LRP1B: variants seen among roughly 807,000 people sequenced by gnomAD.
LRP1B encodes the protein low-density lipoprotein receptor-related protein 1B.
In LRP1B, 217 loss-of-function variants were observed where a neutral mutation model predicts 556.6. The ratio of observed to expected loss-of-function variants is 0.39; its 90% CI spans 0.35 to 0.44. LRP1B has a LOEUF of 0.44. Among genes scored for constraint, LRP1B ranks in the 20% least tolerant of loss-of-function variants. The pLI is 1.00. For missense variants in LRP1B, 5,053 were observed against 5,620.8 expected (o/e 0.90, Z 3.23); for synonymous variants, 2,047 against 1,865.8 (o/e 1.10, Z -2.50).
intron 14 of LRP1B, among the ~76,000 whole-genome samples, chr2:141,009,383 T>C (rs7607347): frequency 0.034 from 5,158 of 151,950 alleles, 186 homozygotes; most frequent in African/African-American, 0.091. Flanking sequence ...GAAGAAAGGA[T>C]AAAATGCTTC....
intron 15 of LRP1B, among the ~76,000 whole-genome samples, chr2:140,998,981 T>C (rs1010940974): frequency 3.1e-4 from 47 of 152,090 alleles, no homozygotes; most frequent in African/African-American, 1.0e-3. Flanking sequence ...GAGAGGTTAG[T>C]GGCATACTGA....
intron 14 of LRP1B, among the ~76,000 whole-genome samples, chr2:141,007,563 T>C (rs1320382204): frequency 6.6e-6 from 1 of 151,602 alleles, no homozygotes; most frequent in Non-Finnish European, 1.5e-5. Flanking sequence ...TCCATGGCCA[T>C]GGAATAAAAA....
At chr2:140,809,994 A>G (rs1338700979) in intron 32 of LRP1B, among the ~76,000 whole-genome samples, 1 of 152,174 alleles carries the variant, frequency 6.6e-6, no homozygotes, top group East Asian at 1.9e-4. Flanking sequence ...CAGTACCCAC[A>G]CTCAAAGGAA....
At chr2:141,580,865 G>A (rs16846521) in intron 2 of LRP1B, among the ~76,000 whole-genome samples, 34,697 of 152,128 alleles carry the variant, frequency 0.23, 4,944 homozygotes, top group East Asian at 0.49. Context: ...TATCCAAATG[G>A]GAGAAGGCAG....
intron 7 of LRP1B, among the ~76,000 whole-genome samples, chr2:141,173,388 G>A (rs919120919): frequency 3.3e-5 from 5 of 151,880 alleles, no homozygotes; most frequent in African/African-American, 1.2e-4. Context: ...ACTTGACTAT[G>A]TTCAGATAGC....
rs1160114860 is a variant in LRP1B at position 140,358,830 on chromosome 2, G to T, written c.11248C>A (p.His3750Asn). ...DECGDNSDEDHCGGKLTYKAR... is the reference protein window; with the variant it reads ...DECGDNSDEDNCGGKLTYKAR... The stretch of plus-strand genomic sequence containing the variant: ...CATTAAATGCATTTACCACCACAGT[G>T]ATCTTCATCTGAATTGTCACCGCAT... The change falls in exon 73 of 91, where the codon CAC (histidine) becomes AAC (asparagine). Residue 3750 changes from histidine (H) to asparagine (N), a missense_variant. This residue lies in a region of LRP1B where 599 missense variants were observed against 648.4 expected (regional missense o/e 0.92). Transcript: ENST00000389484. 1.2e-6 allele frequency: 2 copies of T among 1,607,938 alleles called. No individual in the cohort carries two copies. Among genetic ancestry groups the T allele is most frequent in the South Asian group, 1.1e-5 (1 of 90,844 alleles).
intron 2 of LRP1B, among the ~76,000 whole-genome samples, chr2:141,603,255 C>A (rs10198366): frequency 1.3e-5 from 2 of 152,082 alleles, no homozygotes; most frequent in South Asian, 2.1e-4. Flanking sequence ...CCTATAGGTG[C>A]CAATCATTTC....
intron 80 of LRP1B, 60 bp from the exon 81 acceptor site, chr2:140,324,126 T>C: frequency 1.9e-6 from 2 of 1,046,898 alleles, no homozygotes; most frequent in Non-Finnish European, 2.9e-6. Flanking sequence ...CTTTAAAAAC[T>C]ATGTTTATCC....
At chr2:140,610,467 G>T (rs1385553420) in intron 41 of LRP1B, among the ~76,000 whole-genome samples, 3 of 152,170 alleles carry the variant, frequency 2.0e-5, no homozygotes, top group Non-Finnish European at 2.9e-5. Flanking sequence ...TATCAGAGAG[G>T]TATATAGAAG....
At chr2:141,758,572 G>A (rs767940915) in intron 2 of LRP1B, among the ~76,000 whole-genome samples, 1 of 151,964 alleles carries the variant, frequency 6.6e-6, no homozygotes, top group East Asian at 1.9e-4. Flanking sequence ...ACAAAATCTT[G>A]AACAAAACTC....
chr2:140,818,828 T>C (rs553685680), intron 31 of LRP1B, among the ~76,000 whole-genome samples: 1 of 151,592 alleles, frequency 6.6e-6, no homozygotes, highest in African/African-American at 2.4e-5. Flanking sequence ...TTGTAGCTAC[T>C]CGGGAGGCTG....
chr2:141,369,813 G>C (rs557981752), intron 3 of LRP1B, among the ~76,000 whole-genome samples: 1 of 152,144 alleles, frequency 6.6e-6, no homozygotes, highest in African/African-American at 2.4e-5. Flanking sequence ...ACCCTTCCAA[G>C]TCACCATTGT....
At chr2:141,914,014 G>A (rs1426100187) in intron 1 of LRP1B, among the ~76,000 whole-genome samples, 4 of 152,086 alleles carry the variant, frequency 2.6e-5, no homozygotes, top group Non-Finnish European at 5.9e-5. Context: ...CCAAAGTGCT[G>A]GGATTACAGA....
At chr2:140,292,671 C>T (rs761242415) in intron 84 of LRP1B, among the ~76,000 whole-genome samples, 2 of 152,052 alleles carry the variant, frequency 1.3e-5, no homozygotes, top group South Asian at 2.1e-4. Flanking sequence ...TATAATAACT[C>T]GTTTCCTTTT....
chr2:141,340,084 A>G (rs1030389658), intron 3 of LRP1B, among the ~76,000 whole-genome samples: 1 of 152,210 alleles, frequency 6.6e-6, no homozygotes, highest in East Asian at 1.9e-4. Context: ...ACCTCTAGCC[A>G]TCTTCTTTAA....
intron 3 of LRP1B, among the ~76,000 whole-genome samples, chr2:141,268,783 C>A (rs1442177536): frequency 6.6e-6 from 1 of 151,888 alleles, no homozygotes; most frequent in Non-Finnish European, 1.5e-5. Context: ...TAATTCTAAC[C>A]AAAAAACAAC....
At chr2:140,980,644 A>T (rs1262266965) in intron 18 of LRP1B, among the ~76,000 whole-genome samples, 1 of 152,180 alleles carries the variant, frequency 6.6e-6, no homozygotes, top group Admixed American at 6.5e-5. Flanking sequence ...AAATACAGGC[A>T]TTTAAATTGA....
chr2:141,380,484 G>A (rs879154919), intron 3 of LRP1B, among the ~76,000 whole-genome samples: 1 of 152,146 alleles, frequency 6.6e-6, no homozygotes, highest in African/African-American at 2.4e-5. Context: ...CTAAGATGTT[G>A]GATTATACAT....
intron 1 of LRP1B, among the ~76,000 whole-genome samples, chr2:142,045,354 G>C (rs556781574): frequency 6.6e-6 from 1 of 151,700 alleles, no homozygotes; most frequent in African/African-American, 2.4e-5. Flanking sequence ...CTCCTTCATC[G>C]TCACCGTGCT....
Sources: gnomAD v4.1 joint callset for allele counts (sites outside exome capture counted in the v4.1 genomes callset) on GRCh38, gnomAD v4.1.1 for gene constraint, gnomAD v4.1.1 regional missense constraint, MANE v1.5 for transcripts, NCBI Gene and HGNC (gene_info 2026-07-23, HGNC 2026-07-21) for gene names.